The following NAA11 variants were observed in gnomAD, a reference collection of about 807,000 sequenced individuals.
NAA11 encodes N-alpha-acetyltransferase 11, NatA catalytic subunit, also known as N-alpha-acetyltransferase 11.
NAA11 carries 15 observed loss-of-function variants against 16.1 expected under a neutral mutation model. The observed-to-expected ratio is 0.93, with a 90% confidence interval of 0.62 to 1.44. The LOEUF (loss-of-function observed/expected upper bound fraction) is 1.44, where lower values mean the gene tolerates loss of function less well. Ranked by LOEUF, NAA11 falls within the 40% of genes most tolerant of loss-of-function variation. The pLI is 0.00. For missense variants in NAA11, 298 were observed against 291.3 expected (o/e 1.02, Z -0.17); for synonymous variants, 122 against 112.4 (o/e 1.09, Z -0.54).
At chr4:79,219,454 C>A in the NAA11 span, among the ~76,000 whole-genome samples, 3 of 152,092 alleles carry the variant, frequency 2.0e-5, no homozygotes, top group Non-Finnish European at 4.4e-5. Context: ...GTTTTTTAAT[C>A]CCTCCATTTT....
At chr4:79,305,688 AT>A (rs1723558033) in intron 1 of NAA11, among the ~76,000 whole-genome samples, 3 of 152,186 alleles carry the variant, frequency 2.0e-5, no homozygotes, top group Admixed American at 1.3e-4. Flanking sequence ...TTGATTATGT[AT>A]TATAAGGACA....
chr4:79,311,957 A>AAAT (rs1196250416), downstream of NAA11, among the ~76,000 whole-genome samples: 3 of 152,240 alleles, frequency 2.0e-5, no homozygotes, highest in Non-Finnish European at 4.4e-5. Flanking sequence ...TGCCTTTCTA[A>AAAT]AATGATCTGC....
At chr4:79,160,623 C>A in the NAA11 span, among the ~76,000 whole-genome samples, 3 of 151,948 alleles carry the variant, frequency 2.0e-5, no homozygotes, top group Admixed American at 6.6e-5. Context: ...TTTTTAGTAT[C>A]TTTTTATGTG....
At chr4:79,277,861 G>A (rs754447169) in intron 2 of NAA11, among the ~76,000 whole-genome samples, 6 of 151,878 alleles carry the variant, frequency 4.0e-5, no homozygotes, top group Non-Finnish European at 8.8e-5. Context: ...CCAAGTGTGC[G>A]CTCACCATTG....
At chr4:79,256,262 T>A (rs1722104764) in intron 2 of NAA11, among the ~76,000 whole-genome samples, 2 of 152,234 alleles carry the variant, frequency 1.3e-5, no homozygotes, top group Admixed American at 1.3e-4. Flanking sequence ...TACTTTCTTA[T>A]ACTATTTATT....
intron 2 of NAA11, among the ~76,000 whole-genome samples, chr4:79,269,541 A>T (rs1722437591): frequency 1.3e-5 from 2 of 149,474 alleles, no homozygotes; most frequent in East Asian, 2.0e-4. Context: ...CCACTTTTTG[A>T]TGGGGTTGTT....
At chr4:79,158,548 A>G in the NAA11 span, among the ~76,000 whole-genome samples, 4 of 152,002 alleles carry the variant, frequency 2.6e-5, no homozygotes, top group East Asian at 5.8e-4. Context: ...AAAGCAATCT[A>G]CAAATGCAAT....
chr4:79,299,760 A>T (rs1723333289), intron 1 of NAA11, among the ~76,000 whole-genome samples: 1 of 152,210 alleles, frequency 6.6e-6, no homozygotes, highest in African/African-American at 2.4e-5. Flanking sequence ...TGTCAATATT[A>T]GGATTGTGAC....
chr4:79,230,452 TA>T (rs1210447811), intron 2 of NAA11, among the ~76,000 whole-genome samples: 2 of 151,720 alleles, frequency 1.3e-5, no homozygotes, highest in African/African-American at 4.8e-5. Context: ...AAAGATTTTA[TA>T]TAAAGTCTTT....
chr4:79,156,516 C>A, the NAA11 span, among the ~76,000 whole-genome samples: 1 of 152,190 alleles, frequency 6.6e-6, no homozygotes, highest in African/African-American at 2.4e-5. Context: ...ACAATTAATT[C>A]TCCTTGCTCA....
the NAA11 span, among the ~76,000 whole-genome samples, chr4:79,176,462 A>G: frequency 6.6e-6 from 1 of 152,128 alleles, no homozygotes; most frequent in Non-Finnish European, 1.5e-5. Flanking sequence ...GACTCAGGAA[A>G]GAGTTGCAGT....
intron 2 of NAA11, among the ~76,000 whole-genome samples, chr4:79,261,737 T>G (rs1722247595): frequency 6.6e-6 from 1 of 152,160 alleles, no homozygotes; most frequent in African/African-American, 2.4e-5. Context: ...CATCCAAGTG[T>G]GTAGAAATAT....
chr4:79,190,004 G>C, the NAA11 span, among the ~76,000 whole-genome samples: 1 of 152,080 alleles, frequency 6.6e-6, no homozygotes, highest in African/African-American at 2.4e-5. Flanking sequence ...TGCTATTATT[G>C]ACATTGGGTA....
At chr4:79,220,340 G>A in the NAA11 span, among the ~76,000 whole-genome samples, 4 of 151,966 alleles carry the variant, frequency 2.6e-5, no homozygotes, top group African/African-American at 4.8e-5. Context: ...TGATCCACCC[G>A]CCTTGGCCTC....
chr4:79,241,093 T>C (rs1331647976), intron 2 of NAA11, among the ~76,000 whole-genome samples: 1 of 152,138 alleles, frequency 6.6e-6, no homozygotes, highest in Non-Finnish European at 1.5e-5. Flanking sequence ...GTGGGTCCAC[T>C]TGTACATAGA....
At chr4:79,156,095 A>G in the NAA11 span, among the ~76,000 whole-genome samples, 1 of 152,220 alleles carries the variant, frequency 6.6e-6, no homozygotes, top group Admixed American at 6.5e-5. Context: ...ATACCCATAT[A>G]GTTTAAAAAC....
chr4:79,235,940 A>G (rs1247310241), intron 2 of NAA11, among the ~76,000 whole-genome samples: 1 of 152,044 alleles, frequency 6.6e-6, no homozygotes, highest in Non-Finnish European at 1.5e-5. Context: ...GTTCCATTAT[A>G]TGGGAATATT....
chr4:79,229,628 G>A (rs1338414372), intron 2 of NAA11, among the ~76,000 whole-genome samples: 1 of 151,802 alleles, frequency 6.6e-6, no homozygotes, highest in Non-Finnish European at 1.5e-5. Context: ...GTGATCCATT[G>A]GTCTGTATTT....
intron 2 of NAA11, among the ~76,000 whole-genome samples, chr4:79,255,964 A>G (rs1383697042): frequency 6.6e-6 from 1 of 152,186 alleles, no homozygotes; most frequent in East Asian, 1.9e-4. Flanking sequence ...AGGTGTTGCC[A>G]TGGCGATAGT....
Sources: allele counts gnomAD v4.1 joint callset (sites outside exome capture counted in the v4.1 genomes callset), GRCh38; gene constraint gnomAD v4.1.1; transcripts MANE v1.5; gene names NCBI Gene and HGNC (gene_info 2026-07-23, HGNC 2026-07-21).